The following BSN variants were observed in gnomAD, a reference collection of about 807,000 sequenced individuals.
BSN encodes bassoon presynaptic cytomatrix protein, also known as protein bassoon.
BSN carries 57 observed loss-of-function variants against 264.8 expected under a neutral mutation model. That is an observed-to-expected ratio of 0.22 (90% CI 0.17 to 0.27). The LOEUF (loss-of-function observed/expected upper bound fraction) is 0.27. BSN is among the 10% of genes least tolerant of loss of function. The pLI, the probability that BSN is intolerant of heterozygous loss-of-function variation, is 1.00. For missense variants in BSN, 4,615 were observed against 5,232.5 expected (o/e 0.88, Z 3.64); for synonymous variants, 2,059 against 2,137.3 (o/e 0.96, Z 1.01).
Position 49,664,457 on chromosome 3 carries a change from A to G in BSN, c.11643A>G (p.Pro3881=), listed in dbSNP as rs1367993591. The G allele has an allele frequency of 2.5e-6, 4 of 1,613,646 alleles. No individual in the cohort carries two copies. Among genetic ancestry groups the G allele is most frequent in the Non-Finnish European group, 3.4e-6 (4 of 1,179,956 alleles). The change falls in exon 9 of 12, where the codon CCA becomes CCG. Residue 3881 remains proline (P), a synonymous_variant. Coordinates refer to ENST00000296452, the MANE Select transcript of BSN (RefSeq NM_003458.4). ...CTGGAGCCAGGCCTGGAGGAACCCC[A>G]GGGGCTCCCGCCGGCCAGCCAGGTG... ...VKAGARPGGT[P]GAPAGQPGAD... is the part of the protein sequence containing the mutation.
rs762606969 is a variant in BSN, at chr3:49,653,133, C to T, written c.3577C>T (p.Arg1193Cys). Residue 1193 changes from arginine (R) to cysteine (C), a missense_variant, in exon 5 of 12, where the codon CGC becomes TGC. Arg to Cys is a radical substitution (Grantham distance 180). Around this residue, in one of 3 missense-constraint regions of BSN, gnomAD observed 3,415 missense variants for 3,866.4 expected, o/e 0.88. Coordinates refer to ENST00000296452, the MANE Select transcript of BSN (RefSeq NM_003458.4). The surrounding 1 kb of genome is among the most constrained non-coding windows in gnomAD (Gnocchi z 6.3). ...TGAGGAGGCTTATGAGGAGATGATG[C>T]GCAAAGCTGAGCTGCTCCAGAGGCA... ...SAEEAYEEMM[R>C]KAELLQRQQG... is the part of the protein sequence containing the mutation. 4 of 1,613,284 alleles carry T rather than the reference C, an allele frequency of 2.5e-6. No individual in the cohort carries two copies. Among genetic ancestry groups the T allele is most frequent in the African/African-American group, 2.7e-5 (2 of 75,042 alleles).
chr3:49,621,487 G>A (rs2052305014), intron 1 of BSN, among the ~76,000 whole-genome samples: 1 of 152,142 alleles, frequency 6.6e-6, no homozygotes, highest in Non-Finnish European at 1.5e-5. Context: ...TATTCCCGAA[G>A]GCAAATAGTG....
intron 1 of BSN, among the ~76,000 whole-genome samples, chr3:49,605,779 A>G (rs1456585120): frequency 1.2e-5 from 1 of 81,358 alleles, no homozygotes; most frequent in Non-Finnish European, 2.1e-5. Context: ...AATATATATA[A>G]TATATAATAT....
In BSN at chr3:49,638,472, G is replaced by A. The variant is rs996392528; in HGVS notation, c.634-3796G>A. Reference sequence around the variant, plus strand: ...GGATCTGTCGGGGAGGCAGAGAGGGGGATGTATTGCTGGCCTCAGAGAGCT... The same window carrying A: ...GGATCTGTCGGGGAGGCAGAGAGGGAGATGTATTGCTGGCCTCAGAGAGCT... On this transcript the variant is annotated intron_variant, in intron 2 of 11. Transcript: ENST00000296452. This position sits in a 1 kb window ranked among gnomAD's most constrained non-coding sequence, Gnocchi z 4.3. Among the ~76,000 whole-genome samples, 11 of 152,276 alleles carry A rather than the reference G, an allele frequency of 7.2e-5. 1 individual carries two copies. Among genetic ancestry groups the A allele is most frequent in the African/African-American group, 2.2e-4 (9 of 41,562 alleles).
chr3:49,582,952 C>CATTTATTTATTTATTTATTT (rs36078084), intron 1 of BSN, among the ~76,000 whole-genome samples: 104 of 143,866 alleles, frequency 7.2e-4, no homozygotes, highest in African/African-American at 2.1e-3. Context: ...TGGTGTATTA[C>CATTTATTTATTTATTTATTT]ATTTATTTAT....
At chr3:49,606,321 A>ATATATATT (rs2052151012) in intron 1 of BSN, among the ~76,000 whole-genome samples, 4 of 114,756 alleles carry the variant, frequency 3.5e-5, no homozygotes, top group African/African-American at 1.3e-4. Context: ...AATATATATT[A>ATATATATT]AAAATATATA....
intron 1 of BSN, among the ~76,000 whole-genome samples, chr3:49,609,832 A>G (rs754976542): frequency 2.1e-4 from 32 of 152,130 alleles, no homozygotes; most frequent in Admixed American, 5.2e-4. Flanking sequence ...AGACTTGTCT[A>G]TCGTCAGCCT....
At chr3:49,595,420 C>T (rs1309060500) in intron 1 of BSN, among the ~76,000 whole-genome samples, 1 of 148,824 alleles carries the variant, frequency 6.7e-6, no homozygotes, top group Non-Finnish European at 1.5e-5. Flanking sequence ...AACTCCTGAC[C>T]TCAGGTGATC....
Position 49,661,740 on chromosome 3 carries a change from C to G in BSN, c.9895C>G (p.Arg3299Gly), listed in dbSNP as rs781137433. Residue 3299 changes from arginine (R) to glycine (G), a missense_variant, in exon 6 of 12, where the codon CGC (arginine) becomes GGC (glycine). Physicochemically the swap from Arg to Gly is moderately radical, Grantham distance 125 (BLOSUM62 -2). Transcript: ENST00000296452. ...EESEEDSYDPRGKGGHLRSME... is the reference protein window; with the variant it reads ...EESEEDSYDPGGKGGHLRSME... The stretch of plus-strand genomic sequence containing the variant: ...ATCTGAGGAGGACTCATACGATCCC[C>G]GCGGGAAGGGTGGCCACCTCCGGAG... 6.2e-7 allele frequency: 1 copy of G among 1,613,344 alleles called. No homozygotes were observed. The highest frequency in any genetic ancestry group is 8.5e-7 in the Non-Finnish European group (1 of 1,180,052).
chr3:49,662,917 C>T lies in BSN; in HGVS notation c.10759C>T (p.Pro3587Ser). 1 of 1,608,134 alleles carries T rather than the reference C, an allele frequency of 6.2e-7. No homozygotes were observed. Among genetic ancestry groups the T allele is most frequent in the Non-Finnish European group, 8.5e-7 (1 of 1,176,872 alleles). ...GQEETDWFDKPRDARSDRFRH... is the reference protein window; with the variant it reads ...GQEETDWFDKSRDARSDRFRH... ...GGAGGAGACGGACTGGTTTGATAAG[C>T]CCCGGGATGCCCGCTCTGACCGGTT... The change falls in exon 7 of 12, where the codon CCC (proline) becomes TCC (serine). Residue 3587 changes from proline (P) to serine (S), a missense_variant. Coordinates refer to ENST00000296452, the MANE Select transcript of BSN (RefSeq NM_003458.4).
intron 1 of BSN, among the ~76,000 whole-genome samples, chr3:49,617,160 A>G (rs2052265028): frequency 1.3e-5 from 2 of 152,076 alleles, no homozygotes; most frequent in Non-Finnish European, 2.9e-5. Flanking sequence ...TGTGGGGCTT[A>G]AAACCTAGAT....
rs2052748524 is a variant in BSN, at chr3:49,670,744, C to T, written c.*3259C>T. 6.6e-6 allele frequency: 1 copy of T among 152,412 alleles called. No homozygotes were observed. Among genetic ancestry groups the T allele is most frequent in the South Asian group, 2.1e-4 (1 of 4,828 alleles). The allele number at this position is 152,412 out of a possible 1,614,324, so 9.4% of individuals were successfully genotyped here. A position where few individuals can be genotyped will look rare whatever the true frequency, so the allele number is the denominator to read the frequency against. ...CCTCCTCTCTCTGCTCACTTCAGGG[C>T]CCAGTGCACTCACTTCACAGTGACA... On this transcript the variant is annotated 3_prime_UTR_variant, in exon 12 of 12. Transcript: ENST00000296452.
At chr3:49,645,423 A>C (rs1358124936) in intron 3 of BSN, among the ~76,000 whole-genome samples, 3 of 151,330 alleles carry the variant, frequency 2.0e-5, no homozygotes, top group Non-Finnish European at 4.4e-5. Context: ...GGTCATCCTC[A>C]CCTCCTCCTC....
chr3:49,634,208 A>C (rs969177215), intron 2 of BSN, among the ~76,000 whole-genome samples: 2 of 143,430 alleles, frequency 1.4e-5, no homozygotes, highest in African/African-American at 2.6e-5. Flanking sequence ...CTCTGCCTTT[A>C]AAAAAAAAAA....
At chr3:49,565,930 T>C (rs1228425154) in intron 1 of BSN, among the ~76,000 whole-genome samples, 1 of 151,952 alleles carries the variant, frequency 6.6e-6, no homozygotes, top group African/African-American at 2.4e-5. Flanking sequence ...CAAGCAATTC[T>C]CCCTGCCTCA....
Position 49,554,579 on chromosome 3 carries a change from A to G in BSN, c.-24A>G. Reference sequence around the variant, plus strand: ...CCGGCCCGGGCGCAGCGCGACCCCGACCCCGCCCGCCCGCCTGCCCGCCAT... The same window carrying G: ...CCGGCCCGGGCGCAGCGCGACCCCGGCCCCGCCCGCCCGCCTGCCCGCCAT... On this transcript the variant is annotated 5_prime_UTR_variant, in exon 1 of 12. Coordinates refer to ENST00000296452, the MANE Select transcript of BSN (RefSeq NM_003458.4). 1 of 833,100 alleles carries G rather than the reference A, an allele frequency of 1.2e-6. No homozygotes were observed. The highest frequency in any genetic ancestry group is 1.4e-6 in the Non-Finnish European group (1 of 695,222). The allele number at this position is 833,100 out of a possible 1,614,324, so 51.6% of individuals were successfully genotyped here.
At chr3:49,567,224 A>T (rs887501505) in intron 1 of BSN, among the ~76,000 whole-genome samples, 5 of 152,056 alleles carry the variant, frequency 3.3e-5, no homozygotes, top group Admixed American at 6.6e-5. Flanking sequence ...CTTTTCAGGG[A>T]TATATAGTTC....
intron 1 of BSN, among the ~76,000 whole-genome samples, chr3:49,564,033 G>GA (rs2051734744): frequency 6.6e-6 from 1 of 152,172 alleles, no homozygotes; most frequent in Admixed American, 6.5e-5. Context: ...CCTCAATCCT[G>GA]ATTTTCTTCT....
In BSN at chr3:49,652,263, A is replaced by T. The variant is rs770399276; in HGVS notation, c.2707A>T (p.Thr903Ser). The T allele has an allele frequency of 6.2e-7, 1 of 1,602,868 alleles. No individual in the cohort carries two copies. Among genetic ancestry groups the T allele is most frequent in the East Asian group, 2.2e-5 (1 of 44,688 alleles). ...PKRRLPHNAT[T>S]GYEELLPEGG... ...GAGGCGCCTGCCCCACAATGCCACC[A>T]CGGGCTATGAGGAGCTGCTCCCTGA... is the stretch of plus-strand genomic sequence containing the variant. Residue 903 changes from threonine (T) to serine (S), a missense_variant, in exon 5 of 12, where the codon ACG becomes TCG. Coordinates refer to ENST00000296452, the MANE Select transcript of BSN (RefSeq NM_003458.4).
Sources: allele counts gnomAD v4.1 joint callset (sites outside exome capture counted in the v4.1 genomes callset), GRCh38; gene constraint gnomAD v4.1.1; regional missense constraint gnomAD v4.1.1; non-coding constraint Gnocchi (gnomAD v3.1); transcripts MANE v1.5; gene names NCBI Gene and HGNC (gene_info 2026-07-23, HGNC 2026-07-21).